LAMA2: variants seen among roughly 807,000 people sequenced by gnomAD.
LAMA2 encodes the protein laminin subunit alpha-2.
Under a neutral mutation model 364.8 loss-of-function variants are expected in LAMA2, and 269 were observed. That is an observed-to-expected ratio of 0.74 (90% CI 0.67 to 0.82). The LOEUF (loss-of-function observed/expected upper bound fraction) is 0.82. Ranked by LOEUF, LAMA2 falls within the 40% of genes least tolerant of loss-of-function variation. The pLI is 0.00. For synonymous variants in LAMA2, 1,379 were observed against 1,370.6 expected, an observed-to-expected ratio of 1.01 and a Z score of -0.14; for missense variants, 3,807 against 3,873.2, an observed-to-expected ratio of 0.98 and a Z score of 0.45.
chr6:129,185,190 C>T (rs968103919), intron 10 of LAMA2, among the ~76,000 whole-genome samples: 1 of 151,856 alleles, frequency 6.6e-6, no homozygotes, highest in African/African-American at 2.4e-5. Context: ...AGCTGACTAA[C>T]AATCACAGTT....
intron 29 of LAMA2, among the ~76,000 whole-genome samples, chr6:129,330,600 T>TG (rs1554273764): frequency 3.0e-5 from 4 of 133,530 alleles, no homozygotes; most frequent in Admixed American, 7.7e-5. Context: ...TGGTTTTTGT[T>TG]TTTTTTTTTT....
At chr6:128,970,792 T>TA (rs1305675259) in intron 1 of LAMA2, among the ~76,000 whole-genome samples, 1 of 152,220 alleles carries the variant, frequency 6.6e-6, no homozygotes, top group East Asian at 1.9e-4. Context: ...AGTCTACATG[T>TA]ACTGCCTTTT....
At chr6:129,455,793 A>C (rs1782930578) in intron 47 of LAMA2, among the ~76,000 whole-genome samples, 1 of 152,196 alleles carries the variant, frequency 6.6e-6, no homozygotes. Flanking sequence ...CCAAACAATA[A>C]AAGATATACC....
At chr6:129,058,680 T>G (rs1187759660) in intron 2 of LAMA2, among the ~76,000 whole-genome samples, 1 of 152,172 alleles carries the variant, frequency 6.6e-6, no homozygotes, top group Admixed American at 6.5e-5. Flanking sequence ...CGCAAAAAGC[T>G]TCTGTAAGGG....
At chr6:129,177,633 T>A (rs534059880) in intron 9 of LAMA2, 73 bp from the exon 10 acceptor site, 2 of 1,451,816 alleles carry the variant, frequency 1.4e-6, no homozygotes, top group African/African-American at 2.8e-5. Context: ...TAAAGGTTAC[T>A]GTCATTAAAA....
At chr6:129,273,955 A>C (rs1484675110) in intron 17 of LAMA2, among the ~76,000 whole-genome samples, 1 of 151,706 alleles carries the variant, frequency 6.6e-6, no homozygotes, top group African/African-American at 2.4e-5. Context: ...AAAATTAGCA[A>C]ATTACTAAAT....
intron 1 of LAMA2, among the ~76,000 whole-genome samples, chr6:128,906,771 C>G (rs1312466732): frequency 1.3e-5 from 2 of 150,438 alleles, no homozygotes; most frequent in Non-Finnish European, 3.0e-5. Context: ...GGTTTTAGGT[C>G]TAACGTTTAA....
At chr6:129,199,393 A>G (rs1044800000) in intron 12 of LAMA2, among the ~76,000 whole-genome samples, 1 of 152,216 alleles carries the variant, frequency 6.6e-6, no homozygotes, top group Non-Finnish European at 1.5e-5. Flanking sequence ...CAAATATCTT[A>G]TTTAATATAA....
intron 1 of LAMA2, among the ~76,000 whole-genome samples, chr6:128,945,003 A>G (rs1780403794): frequency 6.6e-6 from 1 of 152,190 alleles, no homozygotes; most frequent in South Asian, 2.1e-4. Flanking sequence ...CACACATCCT[A>G]TATCACTTTT....
chr6:128,962,744 C>A (rs2114599397), intron 1 of LAMA2, among the ~76,000 whole-genome samples: 1 of 152,234 alleles, frequency 6.6e-6, no homozygotes, highest in Non-Finnish European at 1.5e-5. Context: ...CTATAAATCC[C>A]AATCACAACT....
intron 1 of LAMA2, among the ~76,000 whole-genome samples, chr6:128,913,242 G>T (rs1397223866): frequency 3.3e-5 from 5 of 152,118 alleles, no homozygotes; most frequent in Admixed American, 6.6e-5. Context: ...ATTCTAAGTA[G>T]CTGGAGACCT....
chr6:128,958,490 A>G (rs186001261), intron 1 of LAMA2, among the ~76,000 whole-genome samples: 2 of 152,138 alleles, frequency 1.3e-5, no homozygotes, highest in African/African-American at 4.8e-5. Context: ...TTCAGAGGGA[A>G]CCTATTATAA....
At chr6:129,264,543 A>G (rs990108255) in intron 15 of LAMA2, among the ~76,000 whole-genome samples, 1 of 152,124 alleles carries the variant, frequency 6.6e-6, no homozygotes, top group Non-Finnish European at 1.5e-5. Flanking sequence ...GTCATAAACT[A>G]TGGAACTGAA....
intron 1 of LAMA2, among the ~76,000 whole-genome samples, chr6:129,036,621 C>CT (rs1786656759): frequency 6.6e-6 from 1 of 151,332 alleles, no homozygotes; most frequent in African/African-American, 2.4e-5. Flanking sequence ...ACATGTACTA[C>CT]TTTTTCTGAT....
chr6:129,345,194 G>C (rs1375388477), intron 30 of LAMA2, among the ~76,000 whole-genome samples: 2 of 152,112 alleles, frequency 1.3e-5, no homozygotes, highest in Admixed American at 6.5e-5. Context: ...CTGTCTTGTT[G>C]GTTCAAGGGG....
chr6:128,897,861 G>A (rs1040211690), intron 1 of LAMA2, among the ~76,000 whole-genome samples: 2 of 152,180 alleles, frequency 1.3e-5, no homozygotes, highest in Non-Finnish European at 2.9e-5. Flanking sequence ...TAGTACTAGA[G>A]CTATGACTGC....
At chr6:128,948,429 C>T (rs1780610689) in intron 1 of LAMA2, among the ~76,000 whole-genome samples, 1 of 152,146 alleles carries the variant, frequency 6.6e-6, no homozygotes, top group African/African-American at 2.4e-5. Flanking sequence ...TGACCCCAGT[C>T]TACCTGTTTC....
At chr6:129,200,647 A>T (rs1277226324) in intron 12 of LAMA2, among the ~76,000 whole-genome samples, 1 of 152,050 alleles carries the variant, frequency 6.6e-6, no homozygotes, top group Non-Finnish European at 1.5e-5. Context: ...TAATGCCCTT[A>T]TGAAAATCTT....
chr6:129,167,958 T>C (rs1779869583), intron 9 of LAMA2, among the ~76,000 whole-genome samples: 1 of 150,910 alleles, frequency 6.6e-6, no homozygotes, highest in Non-Finnish European at 1.5e-5. Context: ...TGCATAAATG[T>C]CTTCTTTTGA....
Sources: gnomAD v4.1 joint callset for allele counts (sites outside exome capture counted in the v4.1 genomes callset) on GRCh38, gnomAD v4.1.1 for gene constraint, MANE v1.5 for transcripts, NCBI Gene and HGNC (gene_info 2026-07-23, HGNC 2026-07-21) for gene names.